Variants in GALNT9 observed in about 807,000 individuals in gnomAD.
The protein encoded by GALNT9 is GalNAc transferase 9.
In GALNT9, 47 loss-of-function variants were observed where a neutral mutation model predicts 63.1. The observed-to-expected ratio is 0.75, with a 90% CI of 0.59 to 0.95. The LOEUF (loss-of-function observed/expected upper bound fraction) is 0.95, where lower values mean the gene tolerates loss of function less well. GALNT9 is among the 40% of genes least tolerant of loss of function. GALNT9 has a pLI of 0.00. For missense variants in GALNT9, 829 were observed against 874.8 expected (o/e 0.95, Z 0.66); for synonymous variants, 396 against 365.7 (o/e 1.08, Z -0.94).
At chr12:132,320,325 G>A (rs1213472702) in intron 1 of GALNT9, among the ~76,000 whole-genome samples, 3 of 152,230 alleles carry the variant, frequency 2.0e-5, no homozygotes, top group East Asian at 1.9e-4. Flanking sequence ...TCGAGGACGC[G>A]GGTGCGGCAG....
At chr12:132,274,111 C>T (rs868913257) in intron 2 of GALNT9, 4 of 152,882 alleles carry the variant, frequency 2.6e-5, no homozygotes, top group African/African-American at 7.2e-5. Flanking sequence ...CTGGGCACTG[C>T]GGCTGCACCC....
chr12:132,201,261 T>A lies in GALNT9; in HGVS notation c.1264A>T (p.Asn422Tyr), dbSNP rs1004448945. The change falls in exon 8 of 11, where the codon AAC becomes TAC. Residue 422 changes from asparagine to tyrosine, a missense_variant and splice_region_variant. Physicochemically the swap from Asn to Tyr is moderately radical, Grantham distance 143. Transcript: ENST00000328957. ...ACGTCCCCGAAGTCCACCCCTGGGT[T>A]CTGCAAGGCCAGAAGTAGGTGAGAG... ...VYMAWNIPMSNPGVDFGDVSE... is the reference protein window; with the variant it reads ...VYMAWNIPMSYPGVDFGDVSE... 6.2e-7 allele frequency: 1 copy of A among 1,611,724 alleles called. No homozygotes were observed. The highest frequency in any genetic ancestry group is 8.5e-7 in the Non-Finnish European group (1 of 1,178,132).
At position 132,203,730 on chromosome 12, in the gene GALNT9, C is replaced by G. The variant is rs148631185; in HGVS notation, c.1078-40G>C. Reference sequence around the variant, plus strand: ...CGCTGGGTGCCGGCGTCCTTCCCAACGGAAGCGGGCAGCCCGGCCAGCTAG... The same window carrying G: ...CGCTGGGTGCCGGCGTCCTTCCCAAGGGAAGCGGGCAGCCCGGCCAGCTAG... On this transcript the variant is annotated intron_variant, in intron 6 of 10. Transcript: ENST00000328957. 3 of 1,594,472 alleles carry G rather than the reference C, an allele frequency of 1.9e-6. No individual in the cohort carries two copies. The Admixed American group carries it at 5.1e-5, about 27-fold the overall frequency.
chr12:132,221,374 A>T (rs1334739314), intron 6 of GALNT9, among the ~76,000 whole-genome samples: 15 of 80,100 alleles, frequency 1.9e-4, no homozygotes, highest in Middle Eastern at 7.4e-3. Flanking sequence ...AAAAAAAAAA[A>T]AAAGGGCTGG....
chr12:132,301,494 G>A (rs73168826), intron 1 of GALNT9, among the ~76,000 whole-genome samples: 25,627 of 152,258 alleles, frequency 0.17, 2,396 homozygotes, highest in African/African-American at 0.26. Flanking sequence ...GCACATAAAG[G>A]GTCCCTGTCC....
Position 132,206,281 on chromosome 12 carries a change from C to T in GALNT9, c.1078-2591G>A, listed in dbSNP as rs151235842. The T allele has an allele frequency of 9.9e-3, 1,512 of 152,712 alleles. 15 individuals are homozygous for T. The highest frequency in any genetic ancestry group is 0.017 in the Non-Finnish European group (1,156 of 68,346). The allele number at this position is 152,712 out of a possible 1,614,324, so 9.5% of individuals were successfully genotyped here. A position where few individuals can be genotyped will look rare whatever the true frequency, so the allele number is the denominator to read the frequency against. Reference sequence around the variant, plus strand: ...TGGCACAGGTGGTGCCCACGCCGGGCGCCCTTCCCAGGTCTCTGCATGCTC... The same window carrying T: ...TGGCACAGGTGGTGCCCACGCCGGGTGCCCTTCCCAGGTCTCTGCATGCTC... On this transcript the variant is annotated intron_variant, in intron 6 of 10. Coordinates refer to ENST00000328957, the MANE Select transcript of GALNT9 (RefSeq NM_001122636.2).
intron 5 of GALNT9, among the ~76,000 whole-genome samples, chr12:132,251,316 G>A (rs372395899): frequency 6.6e-5 from 10 of 152,230 alleles, no homozygotes; most frequent in African/African-American, 2.2e-4. Flanking sequence ...ACTGGAGTAC[G>A]TTAAGGATGA....
At position 132,238,755 on chromosome 12, in the gene GALNT9, G is replaced by A. The variant is rs2136896225; in HGVS notation, c.1077+9155C>T. Among the ~76,000 whole-genome samples the A allele has an allele frequency of 1.7e-3, 262 of 152,236 alleles. 6 individuals are homozygous for A. The East Asian group carries it at 0.044, about 26-fold the overall frequency. ...AGGAGAATGACAGCCTGATTCCTCC[G>A]CCCCCTCATCTGCAGGCCACCCGCC... On this transcript the variant is annotated intron_variant, in intron 6 of 10. Coordinates refer to ENST00000328957, the MANE Select transcript of GALNT9 (RefSeq NM_001122636.2). The surrounding 1 kb of genome is among the most constrained non-coding windows in gnomAD (Gnocchi z 6.5).
chr12:132,300,148 AC>A (rs1459279814), intron 1 of GALNT9, among the ~76,000 whole-genome samples: 1 of 149,614 alleles, frequency 6.7e-6, no homozygotes, highest in Non-Finnish European at 1.5e-5. Context: ...CCCTGAGATA[AC>A]CAAGCCACTC....
chr12:132,210,822 C>T (rs899852332), intron 6 of GALNT9, among the ~76,000 whole-genome samples: 2 of 138,830 alleles, frequency 1.4e-5, no homozygotes, highest in African/African-American at 6.3e-5. Flanking sequence ...GGGTGGTCGC[C>T]GTCTGGAGGT....
chr12:132,328,467 G>A (rs1593129027), intron 1 of GALNT9, among the ~76,000 whole-genome samples: 1 of 152,226 alleles, frequency 6.6e-6, no homozygotes, highest in Non-Finnish European at 1.5e-5. Context: ...CCCAGTGGTC[G>A]AAGCATTTGG....
chr12:132,268,540 G>A (rs1879742159), intron 2 of GALNT9, among the ~76,000 whole-genome samples: 3 of 152,098 alleles, frequency 2.0e-5, no homozygotes, highest in African/African-American at 7.3e-5. Context: ...AAAACAAAAT[G>A]GATAAATTGG....
chr12:132,202,751 C>G (rs550884726), intron 7 of GALNT9, among the ~76,000 whole-genome samples: 60 of 152,100 alleles, frequency 3.9e-4, no homozygotes, highest in African/African-American at 1.3e-3. Context: ...GGGGGTGGTT[C>G]CAGAGACGCT....
chr12:132,284,913 C>T (rs956665174), intron 2 of GALNT9, among the ~76,000 whole-genome samples: 5 of 152,264 alleles, frequency 3.3e-5, no homozygotes, highest in African/African-American at 1.2e-4. Flanking sequence ...TCCAGCATCT[C>T]GCCTCCCTCT....
chr12:132,320,214 TTTA>T (rs781810570), intron 1 of GALNT9, among the ~76,000 whole-genome samples: 26 of 105,486 alleles, frequency 2.5e-4, no homozygotes, highest in Non-Finnish European at 5.0e-4. Context: ...TTGTTTTATT[TTTA>T]TTTGTTGTTG....
intron 4 of GALNT9, 57 bp downstream of exon 4, chr12:132,260,891 G>T: frequency 2.7e-6 from 4 of 1,462,450 alleles, no homozygotes; most frequent in Non-Finnish European, 3.6e-6. Context: ...GGCTTAGGAG[G>T]GGGATGGTGG....
At chr12:132,304,509 AC>A (rs1881482697) in intron 1 of GALNT9, among the ~76,000 whole-genome samples, 1 of 60,488 alleles carries the variant, frequency 1.7e-5, no homozygotes, top group Non-Finnish European at 2.8e-5. Context: ...GCCCGGGCAC[AC>A]CCTCGCCCGG....
chr12:132,238,203 CAGGAGAGAG>C lies in GALNT9; in HGVS notation c.1077+9698_1077+9706del, dbSNP rs1245421374. ...ACGCGGGCAGGGGCTGCTCAGGACC[CAGGAGAGAG>C]GGGAGAGAGGGGGCGTCATCCCAGA... On this transcript the variant is annotated intron_variant, in intron 6 of 10. Transcript: ENST00000328957. This position sits in a 1 kb window ranked among gnomAD's most constrained non-coding sequence, Gnocchi z 6.5. Among the ~76,000 whole-genome samples the C allele has an allele frequency of 6.6e-5, 10 of 152,060 alleles. No individual in the cohort carries two copies. The highest frequency in any genetic ancestry group is 1.9e-4 in the African/African-American group (8 of 41,476).
rs1593128426 is a variant in GALNT9, at chr12:132,327,421, G to A, written c.238+1545C>T. 6.6e-6 allele frequency among the ~76,000 whole-genome samples: 1 copy of A among 151,882 alleles called. No homozygotes were observed. Among genetic ancestry groups the A allele is most frequent in the East Asian group, 1.9e-4 (1 of 5,156 alleles). On this transcript the variant is annotated intron_variant, in intron 1 of 10. Coordinates refer to ENST00000328957, the MANE Select transcript of GALNT9 (RefSeq NM_001122636.2). The surrounding 1 kb of genome is among the most constrained non-coding windows in gnomAD (Gnocchi z 4.3). ...GATTCTCACCTTGAAGGGTGAGGCA[G>A]GGAAAACGACTCACAGGGCCGAGCT...
Sources: allele counts gnomAD v4.1 joint callset (sites outside exome capture counted in the v4.1 genomes callset), GRCh38; gene constraint gnomAD v4.1.1; non-coding constraint Gnocchi (gnomAD v3.1); transcripts MANE v1.5; gene names NCBI Gene and HGNC (gene_info 2026-07-23, HGNC 2026-07-21).